PCM1: variants seen among roughly 807,000 people sequenced by gnomAD.
PCM1 encodes pericentriolar material 1.
A neutral mutation model predicts 241.9 loss-of-function variants in PCM1; 157 were observed. The observed-to-expected ratio is 0.65, with a 90% CI of 0.57 to 0.74. PCM1 has a LOEUF of 0.74. Ranked by LOEUF, PCM1 falls within the 30% of genes least tolerant of loss-of-function variation. The pLI is 0.00. For synonymous variants in PCM1, 1,085 were observed against 784.9 expected, an observed-to-expected ratio of 1.38 and a Z score of -6.39; for missense variants, 3,478 against 2,360.1, an observed-to-expected ratio of 1.47 and a Z score of -9.81.
At chr8:17,942,463 A>T (rs1006982770) in intron 6 of PCM1, among the ~76,000 whole-genome samples, 4 of 152,128 alleles carry the variant, frequency 2.6e-5, no homozygotes, top group African/African-American at 9.7e-5. Context: ...CTCAAAAAAA[A>T]AATAATGAAA....
Position 17,963,162 on chromosome 8 carries a change from A to G in PCM1, c.2525A>G (p.Gln842Arg), listed in dbSNP as rs777221660. 307 of 1,613,828 alleles carry G rather than the reference A, an allele frequency of 1.9e-4. 3 individuals carry two copies. Among genetic ancestry groups the G allele is most frequent in the South Asian group, 1.1e-5 (1 of 91,040 alleles). The change falls in exon 17 of 39, where the codon CAG becomes CGG. Residue 842 changes from glutamine (Q) to arginine (R), a missense_variant. Physicochemically the swap from Gln to Arg is conservative, Grantham distance 43 (BLOSUM62 1). Coordinates refer to ENST00000325083, the MANE Select transcript of PCM1 (RefSeq NM_006197.4). The stretch of plus-strand genomic sequence containing the variant: ...GAGGAGCTGCGACAGAGAAGAAAGC[A>G]GCTTGAAGCTCTGATGGCTGAACAT... ...LREELRQRRK[Q>R]LEALMAEHQR...
Position 17,985,818 on chromosome 8 carries a change from G to C in PCM1, c.4282-141G>C, listed in dbSNP as rs929138289. 7 of 724,952 alleles carry C rather than the reference G, an allele frequency of 9.7e-6. No individual in the cohort carries two copies. In the African/African-American group the frequency reaches 1.3e-4, roughly 13 times the overall value. 44.9% of individuals were successfully genotyped at this position (724,952 alleles called of 1,614,324 possible). On this transcript the variant is annotated intron_variant, in intron 25 of 38. Transcript: ENST00000325083. The stretch of plus-strand genomic sequence containing the variant: ...TTTTTGAGTACTTTTTCAGTGTTTT[G>C]TCTACTTCCTCACACTTAACCTGTG...
At chr8:17,932,392 C>T (rs899290586) in intron 2 of PCM1, among the ~76,000 whole-genome samples, 1 of 152,062 alleles carries the variant, frequency 6.6e-6, no homozygotes, top group Admixed American at 6.6e-5. Flanking sequence ...TTTATATTCT[C>T]AATGTAGTGT....
chr8:17,937,328 G>A lies in PCM1; in HGVS notation c.291G>A (p.Gln97=). The A allele has an allele frequency of 6.2e-7, 1 of 1,608,306 alleles. No homozygotes were observed. Among genetic ancestry groups the A allele is most frequent in the Non-Finnish European group, 8.5e-7 (1 of 1,177,096 alleles). ...TGAGTCAGATGTCTGTCCCAGAGCAGGCAGAATTAGAGAAACTGAAACAGC... is the reference window on the plus strand; with the variant it reads ...TGAGTCAGATGTCTGTCCCAGAGCAAGCAGAATTAGAGAAACTGAAACAGC... ...RYMSQMSVPE[Q]AELEKLKQRI... Residue 97 remains glutamine, a synonymous_variant, in exon 4 of 39, where the codon CAG becomes CAA. Transcript: ENST00000325083.
At chr8:17,957,912 A>G (rs2129463524) in intron 13 of PCM1, 137 bp downstream of exon 13, 2 of 627,906 alleles carry the variant, frequency 3.2e-6, no homozygotes, top group South Asian at 2.1e-5. Context: ...AATTTTTAGC[A>G]CTTTACATGC....
chr8:18,019,157 C>T (rs1205737877), intron 36 of PCM1, among the ~76,000 whole-genome samples: 1 of 152,014 alleles, frequency 6.6e-6, no homozygotes, highest in East Asian at 1.9e-4. Flanking sequence ...TGTAGTGCCA[C>T]AGGGGTTCGC....
Position 17,991,633 on chromosome 8 carries a change from A to G in PCM1, c.4623A>G (p.Arg1541=). The stretch of plus-strand genomic sequence containing the variant: ...AGGCTGAAAGTAACTCAAATATGAG[A>G]TGCACCTGCAGGATTATTGAGGATG... The part of the protein sequence containing the change: ...KTEAESNSNM[R]CTCRIIEDGD... The change falls in exon 28 of 39, where the codon AGA becomes AGG. Residue 1541 remains arginine, a synonymous_variant. Transcript: ENST00000325083. The G allele has an allele frequency of 6.3e-7, 1 of 1,575,140 alleles. No individual in the cohort carries two copies. The highest frequency in any genetic ancestry group is 8.6e-7 in the Non-Finnish European group (1 of 1,159,072).
chr8:18,007,010 C>T (rs2091517478), intron 30 of PCM1, among the ~76,000 whole-genome samples: 1 of 152,108 alleles, frequency 6.6e-6, no homozygotes, highest in African/African-American at 2.4e-5. Context: ...GGACAGTACC[C>T]CATAGCAAAG....
intron 9 of PCM1, among the ~76,000 whole-genome samples, chr8:17,954,122 C>T (rs899626626): frequency 3.3e-5 from 5 of 152,310 alleles, no homozygotes; most frequent in East Asian, 1.9e-4. Context: ...CCTTTACAAA[C>T]ACATGAATAC....
intron 2 of PCM1, among the ~76,000 whole-genome samples, chr8:17,935,031 T>G (rs569004379): frequency 6.6e-6 from 1 of 151,924 alleles, no homozygotes; most frequent in African/African-American, 2.4e-5. Context: ...CACTGCACTT[T>G]TGGATGTTTT....
chr8:17,932,520 A>ATT (rs908167209), intron 2 of PCM1, among the ~76,000 whole-genome samples: 9 of 149,950 alleles, frequency 6.0e-5, no homozygotes, highest in Non-Finnish European at 8.9e-5. Context: ...ATATATTCGT[A>ATT]TTTTTTTTTG....
chr8:18,004,494 T>C (rs902902333), intron 29 of PCM1, among the ~76,000 whole-genome samples: 4 of 152,172 alleles, frequency 2.6e-5, no homozygotes, highest in Non-Finnish European at 5.9e-5. Flanking sequence ...AGCCCTGATT[T>C]AAGTGATTTC....
intron 8 of PCM1, among the ~76,000 whole-genome samples, chr8:17,951,902 T>G (rs1276527132): frequency 1.3e-5 from 2 of 152,072 alleles, no homozygotes; most frequent in Non-Finnish European, 2.9e-5. Context: ...CCCTAGTGGA[T>G]TCTTGCAAAG....
At chr8:17,959,402 T>G (rs936254252) in intron 13 of PCM1, among the ~76,000 whole-genome samples, 1 of 152,146 alleles carries the variant, frequency 6.6e-6, no homozygotes, top group East Asian at 1.9e-4. Context: ...AGTTAATGTA[T>G]AATAGCATCC....
rs11333913 is a variant in PCM1 at position 18,029,156 on chromosome 8, CAAAA to C, written c.*1517_*1520del. 1.8e-3 allele frequency: 99 copies of C among 56,340 alleles called. No individual in the cohort carries two copies. In the Middle Eastern group the frequency reaches 0.038, roughly 22 times the overall value. The allele number at this position is 56,340 out of a possible 1,614,324, so 3.5% of individuals were successfully genotyped here. On this transcript the variant is annotated 3_prime_UTR_variant, in exon 39 of 39. Coordinates refer to ENST00000325083, the MANE Select transcript of PCM1 (RefSeq NM_006197.4). ...CTGGCAACAGAGCGAGACTCTGTCT[CAAAA>C]AAAAAAAAAAAAAAAAAAAAAAGTT... is the stretch of plus-strand genomic sequence containing the variant.
At position 18,011,845 on chromosome 8, in the gene PCM1, GAC is replaced by G. The variant is rs760609074; in HGVS notation, c.5511+23_5511+24del. The G allele has an allele frequency of 6.3e-7, 1 of 1,598,388 alleles. No homozygotes were observed. The highest frequency in any genetic ancestry group is 2.2e-5 in the East Asian group (1 of 44,600). ...ATGAACAGGTATTCCCGTATTGACT[GAC>G]ACACTTCCATCAGCCTTATTTTAAC... On this transcript the variant is annotated intron_variant, in intron 34 of 38. Coordinates refer to ENST00000325083, the MANE Select transcript of PCM1 (RefSeq NM_006197.4).
chr8:17,956,214 T>A (rs1346439083), intron 10 of PCM1, among the ~76,000 whole-genome samples: 1 of 152,220 alleles, frequency 6.6e-6, no homozygotes, highest in Non-Finnish European at 1.5e-5. Context: ...CTTCCATACA[T>A]GCTCAGTAAT....
At position 18,009,660 on chromosome 8, in the gene PCM1, T is replaced by G. The variant is rs749200472; in HGVS notation, c.5076T>G (p.Asp1692Glu). Reference protein sequence around the residue: ...NELAFFKLMQDLDNNSITVKQ... With the variant: ...NELAFFKLMQELDNNSITVKQ... ...TGGCTTTCTTTAAGCTTATGCAAGATTTGGATAATAATAGTATAACTGTTA... is the reference window on the plus strand; with the variant it reads ...TGGCTTTCTTTAAGCTTATGCAAGAGTTGGATAATAATAGTATAACTGTTA... The change falls in exon 31 of 39, where the codon GAT becomes GAG. Residue 1692 changes from aspartate to glutamate, a missense_variant. By Grantham distance (45) the Asp-to-Glu change is conservative. Transcript: ENST00000325083. 6.3e-7 allele frequency: 1 copy of G among 1,582,530 alleles called. No homozygotes were observed.
intron 8 of PCM1, among the ~76,000 whole-genome samples, chr8:17,952,041 G>C (rs1222901232): frequency 2.6e-5 from 4 of 152,030 alleles, no homozygotes; most frequent in African/African-American, 9.7e-5. Flanking sequence ...TGGCCAACAT[G>C]GTGAAACCCT....
Sources: allele counts gnomAD v4.1 joint callset (sites outside exome capture counted in the v4.1 genomes callset), GRCh38; gene constraint gnomAD v4.1.1; transcripts MANE v1.5; gene names NCBI Gene and HGNC (gene_info 2026-07-23, HGNC 2026-07-21).